UNC13A: variants seen among roughly 807,000 people sequenced by gnomAD.
UNC13A encodes unc-13 homolog A, also known as protein unc-13 homolog A.
In UNC13A, 61 loss-of-function variants were observed where a neutral mutation model predicts 219.7. That is an observed-to-expected ratio of 0.28 (90% CI 0.23 to 0.34). The LOEUF (loss-of-function observed/expected upper bound fraction) is 0.34, where lower values mean the gene tolerates loss of function less well. Among genes scored for constraint, UNC13A ranks in the 10% least tolerant of loss-of-function variants. The pLI is 1.00. For missense variants in UNC13A, 1,476 were observed against 2,270.3 expected (o/e 0.65, Z 7.11); for synonymous variants, 920 against 884.6 (o/e 1.04, Z -0.71).
In UNC13A at chr19:17,639,831, A is replaced by T; in HGVS notation, c.2856+9T>A. On this transcript the variant is annotated intron_variant, in intron 23 of 43. Transcript: ENST00000519716. ...GGGGTGAGCAAATTCTCATGCACAC[A>T]CTTCCTACCCGGTACATGGAGAGGT... The T allele has an allele frequency of 6.2e-7, 1 of 1,613,758 alleles. No individual in the cohort carries two copies. The highest frequency in any genetic ancestry group is 8.5e-7 in the Non-Finnish European group (1 of 1,179,786).
In UNC13A at chr19:17,618,473, C is replaced by T; in HGVS notation, c.4358G>A (p.Ser1453Asn). 6.3e-7 allele frequency: 1 copy of T among 1,593,230 alleles called. No individual in the cohort carries two copies. Residue 1453 changes from serine (S) to asparagine (N), a missense_variant, in exon 40 of 44, where the codon AGC (serine) becomes AAC (asparagine). By Grantham distance (46) the Ser-to-Asn change is conservative. Transcript: ENST00000519716. ...KDHMVREEAKSLTPKQCAVVE... is the reference protein window; with the variant it reads ...KDHMVREEAKNLTPKQCAVVE... The stretch of plus-strand genomic sequence containing the variant: ...AACCGCGCACTGCTTTGGGGTCAAG[C>T]TCTTGGCTTCTTCTCGTACCATGTG...
intron 31 of UNC13A, 62 bp from the exon 32 acceptor site, chr19:17,628,002 C>T: frequency 6.7e-7 from 1 of 1,490,606 alleles, no homozygotes. Context: ...CCTCCCCTAC[C>T]CACCGCCAGG....
At position 17,633,074 on chromosome 19, in the gene UNC13A, G is replaced by T. The variant is rs370015854; in HGVS notation, c.3301+34C>A. The T allele has an allele frequency of 2.1e-5, 34 of 1,612,094 alleles. No homozygotes were observed. The East Asian group carries it at 7.6e-4, about 36-fold the overall frequency. On this transcript the variant is annotated intron_variant, in intron 27 of 43. Coordinates refer to ENST00000519716, the MANE Select transcript of UNC13A (RefSeq NM_001080421.3). Reference sequence around the variant, plus strand: ...CACAGAGGTACAGCCACCTGGTGTGGCCAGGCTGGGGAACACTGGGGTGGG... The same window carrying T: ...CACAGAGGTACAGCCACCTGGTGTGTCCAGGCTGGGGAACACTGGGGTGGG...
At chr19:17,620,493 G>A (rs2076716551) in intron 38 of UNC13A, among the ~76,000 whole-genome samples, 200 bp downstream of exon 38, 1 of 151,938 alleles carries the variant, frequency 6.6e-6, no homozygotes, top group Non-Finnish European at 1.5e-5. Flanking sequence ...GGGCCTTCCT[G>A]GGTACCCTCT....
chr19:17,630,332 A>G, intron 29 of UNC13A, 44 bp from the exon 30 acceptor site: 1 of 1,551,066 alleles, frequency 6.4e-7, no homozygotes, highest in Non-Finnish European at 8.7e-7. Context: ...GATCAGCACC[A>G]GAGAATCCCT....
At chr19:17,668,390 C>T (rs1159094695) in intron 5 of UNC13A, among the ~76,000 whole-genome samples, 200 bp from the exon 6 acceptor site, 1 of 152,200 alleles carries the variant, frequency 6.6e-6, no homozygotes, top group Non-Finnish European at 1.5e-5. Flanking sequence ...TGACGCCCCT[C>T]TTCCCAGAGC....
chr19:17,658,500 G>A (rs148506632), intron 8 of UNC13A, among the ~76,000 whole-genome samples: 1 of 152,276 alleles, frequency 6.6e-6, no homozygotes, highest in East Asian at 1.9e-4. Flanking sequence ...TAGGGGCTAG[G>A]GTAGGACCTA....
intron 25 of UNC13A, among the ~76,000 whole-genome samples, chr19:17,637,588 G>C (rs1237643311): frequency 6.6e-6 from 1 of 152,148 alleles, no homozygotes; most frequent in Non-Finnish European, 1.5e-5. Flanking sequence ...GTGAGCCACT[G>C]TGCCTGGCCG....
intron 12 of UNC13A, among the ~76,000 whole-genome samples, chr19:17,650,933 A>AT (rs34451347): frequency 0.016 from 2,100 of 128,188 alleles, 114 homozygotes; most frequent in Admixed American, 0.11. Context: ...CACCCAGCAA[A>AT]TTTTTTTTTT....
chr19:17,642,246 T>C (rs1403232380), intron 20 of UNC13A, among the ~76,000 whole-genome samples: 1 of 152,132 alleles, frequency 6.6e-6, no homozygotes, highest in Non-Finnish European at 1.5e-5. Flanking sequence ...CCATCCATCA[T>C]TCATCTATAC....
Position 17,603,442 on chromosome 19 carries a change from C to G in UNC13A, c.*2612G>C. ...ACCCGACCCCTACCCTCAGCCATGT[C>G]ATGGTTCGAAATTCACATCTGCTCC... On this transcript the variant is annotated 3_prime_UTR_variant, in exon 44 of 44. Transcript: ENST00000519716. 6.6e-6 allele frequency: 1 copy of G among 152,334 alleles called. No individual in the cohort carries two copies. The highest frequency in any genetic ancestry group is 6.5e-5 in the Admixed American group (1 of 15,276). The allele number at this position is 152,334 out of a possible 1,614,324, so 9.4% of individuals were successfully genotyped here.
At chr19:17,625,596 TC>T (rs1212809092) in intron 34 of UNC13A, among the ~76,000 whole-genome samples, 2 of 151,978 alleles carry the variant, frequency 1.3e-5, no homozygotes, top group Non-Finnish European at 2.9e-5. Flanking sequence ...CATCCACTTA[TC>T]CATTTATCTA....
chr19:17,648,069 A>C (rs1441146756), intron 16 of UNC13A, among the ~76,000 whole-genome samples: 1 of 109,088 alleles, frequency 9.2e-6, no homozygotes, highest in African/African-American at 3.7e-5. Flanking sequence ...TCCCTCTCTG[A>C]GCCCCTCTTC....
intron 41 of UNC13A, among the ~76,000 whole-genome samples, chr19:17,615,316 C>T (rs1188773538): frequency 1.3e-5 from 2 of 151,960 alleles, no homozygotes; most frequent in Non-Finnish European, 1.5e-5. Context: ...CAGGAGGTGG[C>T]GGCTGCAGTG....
chr19:17,662,852 A>G (rs1316524232), intron 8 of UNC13A, among the ~76,000 whole-genome samples: 2 of 150,698 alleles, frequency 1.3e-5, no homozygotes, highest in South Asian at 2.1e-4. Context: ...CCCTGGAGGC[A>G]GAGCTTGCGG....
At position 17,603,957 on chromosome 19, in the gene UNC13A, A is replaced by G. The variant is rs2076494458; in HGVS notation, c.*2097T>C. On this transcript the variant is annotated 3_prime_UTR_variant, in exon 44 of 44. Coordinates refer to ENST00000519716, the MANE Select transcript of UNC13A (RefSeq NM_001080421.3). ...CTCCTGAGTAGCTGGGACTACAGGC[A>G]TGCACCACTGCACCCAGCTAATTTT... The G allele has an allele frequency of 6.6e-6, 1 of 152,226 alleles. No homozygotes were observed. Among genetic ancestry groups the G allele is most frequent in the African/African-American group, 2.4e-5 (1 of 41,422 alleles). 9.4% of individuals were successfully genotyped at this position (152,226 alleles called of 1,614,324 possible). A position where few individuals can be genotyped will look rare whatever the true frequency, so the allele number is the denominator to read the frequency against.
chr19:17,662,502 C>A lies in UNC13A; in HGVS notation c.559+1030G>T, dbSNP rs530853415. Among the ~76,000 whole-genome samples, 11 of 152,186 alleles carry A rather than the reference C, an allele frequency of 7.2e-5. No individual in the cohort carries two copies. In the South Asian group the frequency reaches 2.1e-3, roughly 29 times the overall value. ...ATAATAATAAAAATAAAGTGCACAA[C>A]AAATGCAGTGAACTTGAATCATCCA... On this transcript the variant is annotated intron_variant, in intron 8 of 43. Coordinates refer to ENST00000519716, the MANE Select transcript of UNC13A (RefSeq NM_001080421.3).
intron 5 of UNC13A, among the ~76,000 whole-genome samples, chr19:17,668,935 A>C (rs1446613600): frequency 6.6e-6 from 1 of 152,156 alleles, no homozygotes; most frequent in Non-Finnish European, 1.5e-5. Context: ...AGTTGGGACT[A>C]CAGAAACCCA....
In UNC13A at chr19:17,657,253, T is replaced by C. The variant is rs2079473897; in HGVS notation, c.767+809A>G. ...CCTCCCTCCACTTCTCCCCGCCTCC[T>C]CCATTCCGGCCACGCTGGCCACCTC... On this transcript the variant is annotated intron_variant, in intron 9 of 43. Coordinates refer to ENST00000519716, the MANE Select transcript of UNC13A (RefSeq NM_001080421.3). Among the ~76,000 whole-genome samples the C allele has an allele frequency of 2.6e-5, 4 of 152,124 alleles. 1 individual carries two copies. Among genetic ancestry groups the C allele is most frequent in the Admixed American group, 2.6e-4 (4 of 15,268 alleles).
Sources: allele counts gnomAD v4.1 joint callset (sites outside exome capture counted in the v4.1 genomes callset), GRCh38; gene constraint gnomAD v4.1.1; transcripts MANE v1.5; gene names NCBI Gene and HGNC (gene_info 2026-07-23, HGNC 2026-07-21).